Variants in COX7B2 observed in about 807,000 individuals in gnomAD.
The protein encoded by COX7B2 is cytochrome c oxidase subunit 7B2, also known as cytochrome c oxidase subunit 7B2, mitochondrial.
For missense variants in COX7B2, 109 were observed against 95.9 expected (o/e 1.14, Z -0.57); for synonymous variants, 37 against 32.1 (o/e 1.15, Z -0.51).
intron 1 of COX7B2, among the ~76,000 whole-genome samples, chr4:46,856,491 T>G (rs1266634783): frequency 1.3e-5 from 2 of 152,204 alleles, no homozygotes; most frequent in Non-Finnish European, 2.9e-5. Flanking sequence ...ATGGAATTCA[T>G]AAGTTCTCCT....
At chr4:46,871,956 C>A (rs1718020667) in intron 1 of COX7B2, among the ~76,000 whole-genome samples, 2 of 152,282 alleles carry the variant, frequency 1.3e-5, no homozygotes, top group African/African-American at 2.4e-5. Context: ...TTCAACCCAG[C>A]AATCCTATTA....
intron 1 of COX7B2, among the ~76,000 whole-genome samples, chr4:46,907,137 C>T (rs13143524): frequency 0.24 from 36,958 of 151,976 alleles, 4,697 homozygotes; most frequent in East Asian, 0.29. Flanking sequence ...GACTCAGGTC[C>T]TTATCTCAAT....
At chr4:46,890,172 G>C (rs927173438) in intron 1 of COX7B2, among the ~76,000 whole-genome samples, 17 of 152,154 alleles carry the variant, frequency 1.1e-4, no homozygotes, top group African/African-American at 4.1e-4. Flanking sequence ...TTACTCTAGT[G>C]TCTTTAAAGA....
At chr4:46,738,764 T>C (rs1023162598) in intron 2 of COX7B2, among the ~76,000 whole-genome samples, 5 of 152,044 alleles carry the variant, frequency 3.3e-5, no homozygotes, top group Non-Finnish European at 5.9e-5. Flanking sequence ...TAGATCTTTC[T>C]GACAAAAATA....
chr4:46,822,722 A>G (rs1714389690), intron 2 of COX7B2, among the ~76,000 whole-genome samples: 1 of 152,222 alleles, frequency 6.6e-6, no homozygotes, highest in African/African-American at 2.4e-5. Context: ...TACCCAATGT[A>G]TTTCATGGGC....
intron 1 of COX7B2, among the ~76,000 whole-genome samples, chr4:46,891,986 C>T (rs1277600233): frequency 6.6e-6 from 1 of 152,160 alleles, no homozygotes; most frequent in Non-Finnish European, 1.5e-5. Flanking sequence ...GGTAAATTTA[C>T]TTTTAGCTAC....
chr4:46,791,341 T>C (rs1394147190), intron 2 of COX7B2, among the ~76,000 whole-genome samples: 1 of 152,122 alleles, frequency 6.6e-6, no homozygotes, highest in Non-Finnish European at 1.5e-5. Flanking sequence ...AGAAATAACA[T>C]GAGGGAATAA....
chr4:46,792,061 A>G (rs1448485189), intron 2 of COX7B2, among the ~76,000 whole-genome samples: 1 of 152,234 alleles, frequency 6.6e-6, no homozygotes, highest in Non-Finnish European at 1.5e-5. Context: ...AACTCCCAGA[A>G]GTAGGTGTCA....
At chr4:46,758,328 T>A (rs1163013686) in intron 2 of COX7B2, among the ~76,000 whole-genome samples, 2 of 152,120 alleles carry the variant, frequency 1.3e-5, no homozygotes. Flanking sequence ...GTGGTTGACA[T>A]GGCTCTTCAA....
At chr4:46,809,312 G>A (rs774295580) in intron 2 of COX7B2, among the ~76,000 whole-genome samples, 1 of 151,314 alleles carries the variant, frequency 6.6e-6, no homozygotes, top group Non-Finnish European at 1.5e-5. Flanking sequence ...GTTTATTATT[G>A]ATTTCCTTCT....
chr4:46,854,386 G>A (rs1173356376), intron 1 of COX7B2, among the ~76,000 whole-genome samples: 1 of 152,148 alleles, frequency 6.6e-6, no homozygotes, highest in Non-Finnish European at 1.5e-5. Flanking sequence ...GGTATGAATA[G>A]GAAAATTCTT....
At chr4:46,756,227 A>T (rs189483231) in intron 2 of COX7B2, among the ~76,000 whole-genome samples, 1 of 152,218 alleles carries the variant, frequency 6.6e-6, no homozygotes, top group African/African-American at 2.4e-5. Flanking sequence ...CATCCTATTC[A>T]ATAATGTTGC....
intron 1 of COX7B2, among the ~76,000 whole-genome samples, chr4:46,849,258 A>T (rs536249256): frequency 6.6e-6 from 1 of 152,182 alleles, no homozygotes; most frequent in South Asian, 2.1e-4. Flanking sequence ...CTAAAAGATT[A>T]AATCAATTTC....
At chr4:46,807,780 A>C (rs1719078648) in intron 2 of COX7B2, among the ~76,000 whole-genome samples, 1 of 151,868 alleles carries the variant, frequency 6.6e-6, no homozygotes, top group Admixed American at 6.6e-5. Context: ...TAAAGGAAGT[A>C]TCCTATCTCC....
At chr4:46,856,517 C>T (rs1171440060) in intron 1 of COX7B2, among the ~76,000 whole-genome samples, 1 of 152,138 alleles carries the variant, frequency 6.6e-6, no homozygotes, top group African/African-American at 2.4e-5. Context: ...ACTGCAAAGT[C>T]CAGTTTCTAT....
At chr4:46,884,276 G>C (rs1323205479) in intron 1 of COX7B2, among the ~76,000 whole-genome samples, 1 of 152,042 alleles carries the variant, frequency 6.6e-6, no homozygotes, top group African/African-American at 2.4e-5. Flanking sequence ...CTGCAGCCTG[G>C]AACTCCTAGG....
intron 2 of COX7B2, among the ~76,000 whole-genome samples, chr4:46,748,198 G>A (rs544614109): frequency 6.6e-6 from 1 of 152,274 alleles, no homozygotes; most frequent in Admixed American, 6.5e-5. Context: ...GTAGATTTAT[G>A]AAGGTATTCC....
chr4:46,848,697 A>G (rs569121964), intron 1 of COX7B2, among the ~76,000 whole-genome samples: 6 of 152,192 alleles, frequency 3.9e-5, no homozygotes, highest in Admixed American at 3.3e-4. Flanking sequence ...ACACATCCAA[A>G]ATGTGTCCCT....
chr4:46,770,727 A>C (rs1399106240), intron 2 of COX7B2, among the ~76,000 whole-genome samples: 1 of 152,176 alleles, frequency 6.6e-6, no homozygotes, highest in Non-Finnish European at 1.5e-5. Flanking sequence ...AAAATGATGA[A>C]ATGACTGTAT....
Sources: allele counts gnomAD v4.1 joint callset (sites outside exome capture counted in the v4.1 genomes callset), GRCh38; gene constraint gnomAD v4.1.1; transcripts MANE v1.5; gene names NCBI Gene and HGNC (gene_info 2026-07-23, HGNC 2026-07-21).